OXSM: variants seen among roughly 807,000 people sequenced by gnomAD.
OXSM encodes 3-oxoacyl-ACP synthase, mitochondrial.
A neutral mutation model predicts 29.2 loss-of-function variants in OXSM; 19 were observed. That is an observed-to-expected ratio of 0.65 (90% confidence interval 0.45 to 0.96). The LOEUF is 0.96. Among genes scored for constraint, OXSM ranks in the 40% least tolerant of loss-of-function variants. The probability of loss-of-function intolerance (pLI) is 0.00; values close to 1 mark genes in which losing one functional copy is unlikely to be tolerated. For missense variants in OXSM, 554 were observed against 551.3 expected, an observed-to-expected ratio of 1.00 and a Z score of -0.05; for synonymous variants, 178 against 197.1, an observed-to-expected ratio of 0.90 and a Z score of 0.81.
chr3:25,790,156 G>A lies in OXSM; in HGVS notation c.-32+9G>A. ...GGGTAGCCCCGTTACAGGTATCGCT[G>A]GCTACCCTCCTCCTTCGCCCCTCCT... On this transcript the variant is annotated intron_variant, in intron 1 of 2. Coordinates refer to ENST00000280701, the MANE Select transcript of OXSM (RefSeq NM_017897.3). The A allele has an allele frequency of 2.0e-6, 1 of 502,602 alleles. No individual in the cohort carries two copies. The highest frequency in any genetic ancestry group is 3.2e-5 in the East Asian group (1 of 31,126). The allele number at this position is 502,602 out of a possible 1,614,324, so 31.1% of individuals were successfully genotyped here. A position where few individuals can be genotyped will look rare whatever the true frequency, so the allele number is the denominator to read the frequency against.
intron 2 of OXSM, among the ~76,000 whole-genome samples, chr3:25,793,671 T>C (rs186187487): frequency 1.7e-4 from 26 of 152,360 alleles, no homozygotes; most frequent in African/African-American, 6.3e-4. Context: ...AAGTTTTGAA[T>C]TTAAATGTGA....
intron 2 of OXSM, among the ~76,000 whole-genome samples, chr3:25,792,573 C>G (rs895313667): frequency 1.3e-5 from 2 of 152,236 alleles, no homozygotes; most frequent in South Asian, 4.1e-4. Context: ...AACTCCTGGG[C>G]TCAAGCAATC....
Position 25,790,131 on chromosome 3 carries a change from G to A in OXSM, c.-48G>A, listed in dbSNP as rs755476524. 25 of 520,174 alleles carry A rather than the reference G, an allele frequency of 4.8e-5. 1 individual carries two copies. The highest frequency in any genetic ancestry group is 7.9e-5 in the Non-Finnish European group (23 of 292,776). The allele number at this position is 520,174 out of a possible 1,614,324, so 32.2% of individuals were successfully genotyped here. A position where few individuals can be genotyped will look rare whatever the true frequency, so the allele number is the denominator to read the frequency against. ...GCCCCCGACTGTGGAGAAGTGTCCG[G>A]GGTAGCCCCGTTACAGGTATCGCTG... On this transcript the variant is annotated 5_prime_UTR_variant, in exon 1 of 3. Coordinates refer to ENST00000280701, the MANE Select transcript of OXSM (RefSeq NM_017897.3).
Position 25,790,107 on chromosome 3 carries a change from C to T in OXSM, c.-72C>T. 2 of 586,012 alleles carry T rather than the reference C, an allele frequency of 3.4e-6. No homozygotes were observed. The highest frequency in any genetic ancestry group is 4.2e-5 in the South Asian group (2 of 47,460). 36.3% of individuals were successfully genotyped at this position (586,012 alleles called of 1,614,324 possible). On this transcript the variant is annotated 5_prime_UTR_variant, in exon 1 of 3. Transcript: ENST00000280701. ...GCGCGTGCGCTCGAGAGCGTCATCG[C>T]CCCCGACTGTGGAGAAGTGTCCGGG...
chr3:25,793,746 A>G (rs1001288525), intron 2 of OXSM, among the ~76,000 whole-genome samples: 1 of 152,250 alleles, frequency 6.6e-6, no homozygotes, highest in Non-Finnish European at 1.5e-5. Flanking sequence ...TAGAACAAAA[A>G]TTATTCTAGT....
rs759560808 is a variant in OXSM at position 25,791,863 on chromosome 3, T to TGTGCTG, written c.851_856dup (p.Val284_Leu285dup). 1.2e-6 allele frequency: 2 copies of TGTGCTG among 1,613,274 alleles called. No individual in the cohort carries two copies. Among genetic ancestry groups the TGTGCTG allele is most frequent in the Non-Finnish European group, 1.7e-6 (2 of 1,180,042 alleles). ...GTTTTGTAATGGGAGAAGGTGCAGC[T>TGTGCTG]GTGCTGGTGCTGGAAGAATATGAAC... On this transcript the variant is annotated inframe_insertion, in exon 2 of 3. Transcript: ENST00000280701.
rs746336876 is a variant in OXSM at position 25,791,972 on chromosome 3, G to C, written c.952G>C (p.Asp318His). The change falls in exon 2 of 3, where the codon GAT (aspartate) becomes CAT (histidine). Residue 318 changes from aspartate (D) to histidine (H), a missense_variant. Physicochemically the swap from Asp to His is moderately conservative, Grantham distance 81. Transcript: ENST00000280701. Reference sequence around the variant, plus strand: ...TGATGCTGGTCACATAACTGCCCCTGATCCTGAAGGAGAAGGTGCCTTAAG... The same window carrying C: ...TGATGCTGGTCACATAACTGCCCCTCATCCTGAAGGAGAAGGTGCCTTAAG... Reference protein sequence around the residue: ...SGDAGHITAPDPEGEGALRCM... With the variant: ...SGDAGHITAPHPEGEGALRCM... The C allele has an allele frequency of 9.4e-6, 15 of 1,598,050 alleles. No homozygotes were observed. In the African/African-American group the frequency reaches 1.9e-4, roughly 20 times the overall value.
chr3:25,790,224 A>T (rs879671493), intron 1 of OXSM, 77 bp downstream of exon 1: 47 of 421,976 alleles, frequency 1.1e-4, no homozygotes, highest in Non-Finnish European at 1.9e-4. Flanking sequence ...GAATTTCGAG[A>T]GGGGAGTCCG....
In OXSM at chr3:25,794,390, C is replaced by T. The variant is rs1189706798; in HGVS notation, c.1276C>T (p.Pro426Ser). The change falls in exon 3 of 3, where the codon CCA becomes TCA. Residue 426 changes from proline (P) to serine (S), a missense_variant. Pro to Ser is a moderately conservative substitution (Grantham distance 74, BLOSUM62 -1). Coordinates refer to ENST00000280701, the MANE Select transcript of OXSM (RefSeq NM_017897.3). ...SEPEFDLNYVPLKAQEWKTEK... is the reference protein window; with the variant it reads ...SEPEFDLNYVSLKAQEWKTEK... ...ACCAGAATTTGATCTCAACTATGTT[C>T]CACTAAAGGCACAGGAATGGAAAAC... is the stretch of plus-strand genomic sequence containing the variant. The T allele has an allele frequency of 6.2e-7, 1 of 1,614,076 alleles. No individual in the cohort carries two copies. The highest frequency in any genetic ancestry group is 2.2e-5 in the East Asian group (1 of 44,890).
rs1318596112 is a variant in OXSM at position 25,794,339 on chromosome 3, C to G, written c.1225C>G (p.Pro409Ala). 6.2e-7 allele frequency: 1 copy of G among 1,614,208 alleles called. No individual in the cohort carries two copies. Among genetic ancestry groups the G allele is most frequent in the Non-Finnish European group, 8.5e-7 (1 of 1,180,040 alleles). ...AGCTTGTTATTATCAAAAACTACCA[C>G]CTACTTTAAACCTGGATTGTTCGGA... ...TLACYYQKLP[P>A]TLNLDCSEPE... Residue 409 changes from proline (P) to alanine (A), a missense_variant, in exon 3 of 3, where the codon CCT (proline) becomes GCT (alanine). Pro to Ala is a conservative substitution (Grantham distance 27, BLOSUM62 -1). Transcript: ENST00000280701.
chr3:25,791,853 A>G lies in OXSM; in HGVS notation c.833A>G (p.Glu278Gly), dbSNP rs1490721493. The change falls in exon 2 of 3, where the codon GAA becomes GGA. Residue 278 changes from glutamate to glycine, a missense_variant. Physicochemically the swap from Glu to Gly is moderately conservative, Grantham distance 98. Transcript: ENST00000280701. ...AAGAGAGATGGTTTTGTAATGGGAG[A>G]AGGTGCAGCTGTGCTGGTGCTGGAA... The part of the protein sequence containing the change: ...HPKRDGFVMG[E>G]GAAVLVLEEY... 3 of 1,613,642 alleles carry G rather than the reference A, an allele frequency of 1.9e-6. No homozygotes were observed. The highest frequency in any genetic ancestry group is 2.7e-5 in the African/African-American group (2 of 74,886).
At position 25,791,323 on chromosome 3, in the gene OXSM, C is replaced by T. The variant is rs1269231467; in HGVS notation, c.303C>T (p.Phe101=). The T allele has an allele frequency of 1.2e-6, 2 of 1,614,066 alleles. No homozygotes were observed. Among genetic ancestry groups the T allele is most frequent in the Non-Finnish European group, 1.7e-6 (2 of 1,179,976 alleles). The change falls in exon 2 of 3, where the codon TTC becomes TTT. Residue 101 remains phenylalanine, a synonymous_variant. Coordinates refer to ENST00000280701, the MANE Select transcript of OXSM (RefSeq NM_017897.3). ...YVPRGSDEGQ[F]NEQNFVSKSD... ...CAAGAGGTAGTGATGAAGGTCAGTT[C>T]AATGAACAAAACTTTGTGTCCAAAT...
intron 1 of OXSM, 78 bp from the exon 2 acceptor site, chr3:25,790,912 G>C (rs1295117643): frequency 7.6e-6 from 8 of 1,046,942 alleles, no homozygotes; most frequent in Non-Finnish European, 1.1e-5. Context: ...GCACCCAAAG[G>C]AACACCTTGG....
rs915912914 is a variant in OXSM at position 25,791,066 on chromosome 3, C to A, written c.46C>A (p.Leu16Ile). The change falls in exon 2 of 3, where the codon CTT becomes ATT. Residue 16 changes from leucine (L) to isoleucine (I), a missense_variant. Physicochemically the swap from Leu to Ile is conservative, Grantham distance 5. Transcript: ENST00000280701. ...TTTCCTGAAAATTACAAGCACTCGT[C>A]TTCTATGTTCAAGATTATGCCAACA... ...QNFLKITSTRLLCSRLCQQLR... is the reference protein window; with the variant it reads ...QNFLKITSTRILCSRLCQQLR... 6.2e-7 allele frequency: 1 copy of A among 1,613,602 alleles called. No individual in the cohort carries two copies. The highest frequency in any genetic ancestry group is 1.3e-5 in the African/African-American group (1 of 75,062).
rs758785585 is a variant in OXSM at position 25,791,079 on chromosome 3, G to A, written c.59G>A (p.Arg20Lys). 1.5e-5 allele frequency: 24 copies of A among 1,614,018 alleles called. No homozygotes were observed. In the South Asian group the frequency reaches 2.3e-4, roughly 16 times the overall value. ...KITSTRLLCS[R>K]LCQQLRSKRK... Reference sequence around the variant, plus strand: ...ACAAGCACTCGTCTTCTATGTTCAAGATTATGCCAACAGTTAAGAAGTAAA... The same window carrying A: ...ACAAGCACTCGTCTTCTATGTTCAAAATTATGCCAACAGTTAAGAAGTAAA... Residue 20 changes from arginine (R) to lysine (K), a missense_variant, in exon 2 of 3, where the codon AGA (arginine) becomes AAA (lysine). Arg to Lys is a conservative substitution (Grantham distance 26, BLOSUM62 2). Coordinates refer to ENST00000280701, the MANE Select transcript of OXSM (RefSeq NM_017897.3).
At chr3:25,790,473 A>G (rs1462865918) in intron 1 of OXSM, 1 of 160,942 alleles carries the variant, frequency 6.2e-6, no homozygotes, top group Non-Finnish European at 1.4e-5. Context: ...GCTTGGTCAC[A>G]GAGTGTATTG....
At chr3:25,790,248 T>C in intron 1 of OXSM, 101 bp downstream of exon 1, 1 of 370,758 alleles carries the variant, frequency 2.7e-6, no homozygotes, top group Non-Finnish European at 5.0e-6. Flanking sequence ...ACCTGGGGCC[T>C]GATTTCTTTT....
At position 25,794,507 on chromosome 3, in the gene OXSM, G is replaced by A; in HGVS notation, c.*13G>A. 1.3e-6 allele frequency: 2 copies of A among 1,534,318 alleles called. No homozygotes were observed. Among genetic ancestry groups the A allele is most frequent in the Non-Finnish European group, 1.8e-6 (2 of 1,131,228 alleles). ...TGCTGGACTGTAGAACATATAATTT[G>A]TAATTAAATACTGATTTTTAAATGC... On this transcript the variant is annotated 3_prime_UTR_variant, in exon 3 of 3. Coordinates refer to ENST00000280701, the MANE Select transcript of OXSM (RefSeq NM_017897.3).
At position 25,791,943 on chromosome 3, in the gene OXSM, C is replaced by T; in HGVS notation, c.923C>T (p.Ser308Leu). The T allele has an allele frequency of 6.2e-7, 1 of 1,600,806 alleles. No homozygotes were observed. ...GCAGAAGTTTTGGGCTATGGACTCT[C>T]AGGTGATGCTGGTCACATAACTGCC... is the stretch of plus-strand genomic sequence containing the variant. ...IYAEVLGYGL[S>L]GDAGHITAPD... The change falls in exon 2 of 3, where the codon TCA becomes TTA. Residue 308 changes from serine to leucine, a missense_variant. Physicochemically the swap from Ser to Leu is moderately radical, Grantham distance 145. Transcript: ENST00000280701.
Sources: gnomAD v4.1 joint callset for allele counts (sites outside exome capture counted in the v4.1 genomes callset) on GRCh38, gnomAD v4.1.1 for gene constraint, MANE v1.5 for transcripts, NCBI Gene and HGNC (gene_info 2026-07-23, HGNC 2026-07-21) for gene names.